Variants in FAT1 observed in about 807,000 individuals in gnomAD.
The protein encoded by FAT1 is protocadherin Fat 1.
Under a neutral mutation model 329.8 loss-of-function variants are expected in FAT1, and 171 were observed. The observed-to-expected ratio is 0.52, with a 90% CI of 0.46 to 0.59. The LOEUF is 0.59. Ranked by LOEUF, FAT1 falls within the 20% of genes least tolerant of loss-of-function variation. FAT1 has a pLI of 0.00. For missense variants in FAT1, 5,672 were observed against 5,774.4 expected, an observed-to-expected ratio of 0.98 and a Z score of 0.57; for synonymous variants, 2,233 against 2,228.6, an observed-to-expected ratio of 1.00 and a Z score of -0.06.
chr4:186,670,502 C>T (rs888164757), intron 2 of FAT1, among the ~76,000 whole-genome samples: 3 of 152,128 alleles, frequency 2.0e-5, no homozygotes, highest in African/African-American at 7.2e-5. Context: ...AAAGAAGAGA[C>T]ATACCATCAA....
At chr4:186,613,012 G>T in intron 13 of FAT1, 97 bp downstream of exon 13, 1 of 713,916 alleles carries the variant, frequency 1.4e-6, no homozygotes, top group South Asian at 1.6e-5. Flanking sequence ...GCATGAGGTG[G>T]AGTGAGTGGC....
rs1466083778 is a variant in FAT1, at chr4:186,603,645, G to T, written c.10881C>A (p.Ile3627=). Residue 3627 remains isoleucine, a synonymous_variant, in exon 19 of 27, where the codon ATC becomes ATA. Transcript: ENST00000441802. The stretch of plus-strand genomic sequence containing the variant: ...GTGTGACTTGTCTGATATGCACTGT[G>T]ATGTCGGCCACCGTCGTGAACTTCC... ...TDGKFTTVAD[I]TVHIRQVTQE... 1 of 1,614,008 alleles carries T rather than the reference G, an allele frequency of 6.2e-7. No homozygotes were observed. Among genetic ancestry groups the T allele is most frequent in the Non-Finnish European group, 8.5e-7 (1 of 1,179,886 alleles).
At chr4:186,710,097 C>T (rs1330432923) in intron 1 of FAT1, among the ~76,000 whole-genome samples, 3 of 152,076 alleles carry the variant, frequency 2.0e-5, no homozygotes, top group Admixed American at 6.6e-5. Context: ...CATATTTAAA[C>T]GACTCAAAAA....
chr4:186,711,117 G>A lies in FAT1; in HGVS notation c.-18-1272C>T, dbSNP rs1744928937. ...CCAGAGGTAAATGAAGAGCAAACTG[G>A]AGGGTGGGTTTGACAGCCCAGTTGA... On this transcript the variant is annotated intron_variant, in intron 1 of 26. Coordinates refer to ENST00000441802, the MANE Select transcript of FAT1 (RefSeq NM_005245.4). Among the ~76,000 whole-genome samples the A allele has an allele frequency of 2.0e-5, 3 of 152,306 alleles. No individual in the cohort carries two copies. The South Asian group carries it at 6.2e-4, about 32-fold the overall frequency.
chr4:186,707,894 A>G lies in FAT1; in HGVS notation c.1934T>C (p.Ile645Thr). The change falls in exon 2 of 27, where the codon ATC becomes ACC. Residue 645 changes from isoleucine to threonine, a missense_variant. By Grantham distance (89) the Ile-to-Thr change is moderately conservative. This residue lies in a region of FAT1 where 3,966 missense variants were observed against 3,915.2 expected (regional missense o/e 1.01). Coordinates refer to ENST00000441802, the MANE Select transcript of FAT1 (RefSeq NM_005245.4). ...GAKVSFHSLRITATDGENFAT... is the reference protein window; with the variant it reads ...GAKVSFHSLRTTATDGENFAT... ...AAAATTTTCTCCATCTGTAGCTGTG[A>G]TTCTCAGACTGTGGAAAGACACCTT... 6.2e-7 allele frequency: 1 copy of G among 1,613,972 alleles called. No individual in the cohort carries two copies. Among genetic ancestry groups the G allele is most frequent in the Non-Finnish European group, 8.5e-7 (1 of 1,179,902 alleles).
rs370346177 is a variant in FAT1, at chr4:186,595,753, G to A, written c.13074C>T (p.Ala4358=). Residue 4358 remains alanine (A), a synonymous_variant, in exon 26 of 27, where the codon GCC becomes GCT. Coordinates refer to ENST00000441802, the MANE Select transcript of FAT1 (RefSeq NM_005245.4). Reference sequence around the variant, plus strand: ...ACTGCACTTCAGACAGGCTTTCCCGGGCACTGTATGGCTGGGAAGGCTTTT... The same window carrying A: ...ACTGCACTTCAGACAGGCTTTCCCGAGCACTGTATGGCTGGGAAGGCTTTT... ...LEEKPSQPYS[A]RESLSEVQSL... 149 of 1,613,936 alleles carry A rather than the reference G, an allele frequency of 9.2e-5. No individual in the cohort carries two copies. The African/African-American group carries it at 1.7e-3, about 19-fold the overall frequency.
chr4:186,665,886 G>C (rs1268436901), intron 2 of FAT1, among the ~76,000 whole-genome samples: 4 of 152,010 alleles, frequency 2.6e-5, no homozygotes, highest in Non-Finnish European at 5.9e-5. Flanking sequence ...GTCCTTTGTA[G>C]AGACATGGAT....
chr4:186,644,320 A>C (rs897291712), intron 3 of FAT1, among the ~76,000 whole-genome samples: 1 of 152,196 alleles, frequency 6.6e-6, no homozygotes. Context: ...AAGCAGAAAA[A>C]CGTATATGCA....
In FAT1 at chr4:186,589,668, A is replaced by G. The variant is rs115737436; in HGVS notation, c.13139-448T>C. ...ATCTGCACTACTTCTCATTAAAAAAATACTGATTAATGCAACTTAAAAAAA... is the reference window on the plus strand; with the variant it reads ...ATCTGCACTACTTCTCATTAAAAAAGTACTGATTAATGCAACTTAAAAAAA... On this transcript the variant is annotated intron_variant, in intron 26 of 26. Coordinates refer to ENST00000441802, the MANE Select transcript of FAT1 (RefSeq NM_005245.4). 4.4e-3 allele frequency among the ~76,000 whole-genome samples: 677 copies of G among 152,294 alleles called. 3 individuals are homozygous for G. The highest frequency in any genetic ancestry group is 0.015 in the African/African-American group (641 of 41,574).
intron 3 of FAT1, among the ~76,000 whole-genome samples, chr4:186,655,175 A>C (rs1376484805): frequency 6.6e-6 from 1 of 152,198 alleles, no homozygotes; most frequent in Non-Finnish European, 1.5e-5. Context: ...AGACACACAG[A>C]AATCACAAAC....
At chr4:186,638,614 T>G (rs1056398757) in intron 4 of FAT1, among the ~76,000 whole-genome samples, 17 of 119,948 alleles carry the variant, frequency 1.4e-4, no homozygotes, top group African/African-American at 4.6e-4. Flanking sequence ...CAGTTCCCAA[T>G]GCACACACAC....
At chr4:186,593,896 G>C (rs1220159968) in intron 26 of FAT1, among the ~76,000 whole-genome samples, 1 of 152,126 alleles carries the variant, frequency 6.6e-6, no homozygotes, top group African/African-American at 2.4e-5. Flanking sequence ...GGAAAACCGG[G>C]AATACGACGC....
intron 3 of FAT1, among the ~76,000 whole-genome samples, chr4:186,648,961 CATATT>C (rs1741504028): frequency 6.6e-6 from 1 of 152,130 alleles, no homozygotes; most frequent in African/African-American, 2.4e-5. Flanking sequence ...TACTACTGGA[CATATT>C]CTGGAACAAA....
At chr4:186,657,512 G>A (rs761645040) in intron 3 of FAT1, among the ~76,000 whole-genome samples, 7 of 152,180 alleles carry the variant, frequency 4.6e-5, no homozygotes, top group Non-Finnish European at 7.3e-5. Flanking sequence ...GGAATACAGA[G>A]AAGTGTGAGG....
In FAT1 at chr4:186,600,393, C is replaced by T. The variant is rs185509123; in HGVS notation, c.11641-33G>A. ...AAAAGCAATGACTGTTCACATTACT[C>T]TCATAGAACCTTCAATGAGAGCACC... On this transcript the variant is annotated intron_variant, in intron 21 of 26. Transcript: ENST00000441802. 338 of 1,542,350 alleles carry T rather than the reference C, an allele frequency of 2.2e-4. 3 individuals are homozygous for T. The African/African-American group carries it at 4.0e-3, about 18-fold the overall frequency.
At position 186,708,766 on chromosome 4, in the gene FAT1, G is replaced by A. The variant is rs762465657; in HGVS notation, c.1062C>T (p.His354=). The part of the protein sequence containing the change: ...PPQFSSVKVI[H]VTSPQFKAGP... ...CGGCTTTGAACTGTGGAGAAGTCAC[G>A]TGAATGACTTTAACAGAAGAGAACT... is the stretch of plus-strand genomic sequence containing the variant. Residue 354 remains histidine (H), a synonymous_variant, in exon 2 of 27, where the codon CAC becomes CAT. Transcript: ENST00000441802. The A allele has an allele frequency of 5.1e-5, 83 of 1,613,864 alleles. No individual in the cohort carries two copies. The highest frequency in any genetic ancestry group is 6.5e-5 in the Non-Finnish European group (77 of 1,179,892).
chr4:186,604,824 G>A (rs1398977945), intron 17 of FAT1, among the ~76,000 whole-genome samples: 1 of 137,386 alleles, frequency 7.3e-6, no homozygotes, highest in Non-Finnish European at 1.6e-5. Context: ...AGTGTGAGGA[G>A]GAAGAGGGAG....
chr4:186,656,926 TGACCTTCCACTTCTA>T (rs1741929550), intron 3 of FAT1, among the ~76,000 whole-genome samples: 4 of 152,120 alleles, frequency 2.6e-5, no homozygotes. Context: ...AAGCAATAGC[TGACCTTCCACTTCTA>T]GTAAGGGATC....
intron 3 of FAT1, among the ~76,000 whole-genome samples, chr4:186,643,578 A>G (rs79993802): frequency 0.015 from 2,293 of 152,224 alleles, 58 homozygotes; most frequent in African/African-American, 0.053. Context: ...AAATGAAAAC[A>G]GAATTTCCTA....
Sources: allele counts gnomAD v4.1 joint callset (sites outside exome capture counted in the v4.1 genomes callset), GRCh38; gene constraint gnomAD v4.1.1; regional missense constraint gnomAD v4.1.1; transcripts MANE v1.5; gene names NCBI Gene and HGNC (gene_info 2026-07-23, HGNC 2026-07-21).